C1orf21: variants seen among roughly 807,000 people sequenced by gnomAD.
C1orf21 encodes chromosome 1 open reading frame 21.
C1orf21 carries 3 observed loss-of-function variants against 18.7 expected under a neutral mutation model. The ratio of observed to expected loss-of-function variants is 0.16; its 90% CI spans 0.07 to 0.42. The LOEUF (loss-of-function observed/expected upper bound fraction) is 0.42, where lower values mean the gene tolerates loss of function less well. Ranked by LOEUF, C1orf21 falls within the 10% of genes least tolerant of loss-of-function variation. C1orf21 has a pLI of 0.99. For synonymous variants in C1orf21, 41 were observed against 46.4 expected (o/e 0.88, Z 0.47); for missense variants, 104 against 143.6 (o/e 0.72, Z 1.41).
intron 1 of C1orf21, among the ~76,000 whole-genome samples, chr1:184,457,737 G>A (rs927836846): frequency 2.0e-5 from 3 of 152,128 alleles, no homozygotes; most frequent in Non-Finnish European, 4.4e-5. Context: ...GCTATGGGCT[G>A]TAACATAAAT....
intron 2 of C1orf21, among the ~76,000 whole-genome samples, chr1:184,484,273 T>C (rs1332116456): frequency 6.6e-6 from 1 of 152,146 alleles, no homozygotes; most frequent in African/African-American, 2.4e-5. Context: ...CAAGGCAGCC[T>C]TGTGAACTTA....
Position 184,500,439 on chromosome 1 carries a change from T to C in C1orf21, c.95-7149T>C, listed in dbSNP as rs1263808224. On this transcript the variant is annotated intron_variant, in intron 2 of 5. Coordinates refer to ENST00000235307, the MANE Select transcript of C1orf21 (RefSeq NM_030806.4). ...AGAAGCTTTATCATTTTGATCCTTC[T>C]TATAGAACCTCTGAACCCTAAGGTC... Among the ~76,000 whole-genome samples the C allele has an allele frequency of 3.9e-5, 6 of 152,184 alleles. No homozygotes were observed. The East Asian group carries it at 1.2e-3, about 29-fold the overall frequency.
intron 2 of C1orf21, among the ~76,000 whole-genome samples, chr1:184,485,314 T>G (rs1657717488): frequency 1.3e-5 from 2 of 152,142 alleles, no homozygotes; most frequent in African/African-American, 4.8e-5. Context: ...TATTAATAAT[T>G]ATTGATTACA....
At chr1:184,488,496 A>G (rs548247793) in intron 2 of C1orf21, among the ~76,000 whole-genome samples, 2 of 152,342 alleles carry the variant, frequency 1.3e-5, no homozygotes, top group South Asian at 4.1e-4. Flanking sequence ...GGATAAATGC[A>G]TCCATAAGCA....
chr1:184,455,205 GT>G (rs1450913579), intron 1 of C1orf21, among the ~76,000 whole-genome samples: 53 of 152,320 alleles, frequency 3.5e-4, no homozygotes, highest in African/African-American at 1.3e-3. Flanking sequence ...TCAAAAACAA[GT>G]TCTCAAAGCC....
At chr1:184,588,442 A>T (rs1659388916) in intron 3 of C1orf21, among the ~76,000 whole-genome samples, 1 of 152,170 alleles carries the variant, frequency 6.6e-6, no homozygotes. Flanking sequence ...TCTTGACCCT[A>T]AAAAGTTTGA....
chr1:184,566,717 A>G (rs1659040252), intron 3 of C1orf21: 1 of 381,588 alleles, frequency 2.6e-6, no homozygotes, highest in Admixed American at 3.1e-5. Context: ...GTCAGAAGAA[A>G]CCAAGCCATC....
chr1:184,593,010 C>G (rs1262920451), intron 4 of C1orf21, among the ~76,000 whole-genome samples: 8 of 152,188 alleles, frequency 5.3e-5, no homozygotes, highest in Non-Finnish European at 1.2e-4. Context: ...TCACGTTCAT[C>G]CACTTTATCT....
chr1:184,493,045 G>T (rs1316599409), intron 2 of C1orf21, among the ~76,000 whole-genome samples: 1 of 152,164 alleles, frequency 6.6e-6, no homozygotes, highest in African/African-American at 2.4e-5. Context: ...AAAATTTACA[G>T]AAAGTCAGAT....
intron 1 of C1orf21, among the ~76,000 whole-genome samples, chr1:184,394,930 G>C (rs537983300): frequency 1.3e-5 from 2 of 152,172 alleles, no homozygotes; most frequent in African/African-American, 4.8e-5. Context: ...TGACAGTCTA[G>C]ATGCGACTCC....
chr1:184,572,778 C>G (rs1659130673), intron 3 of C1orf21, among the ~76,000 whole-genome samples: 1 of 151,972 alleles, frequency 6.6e-6, no homozygotes. Context: ...ATGGTGAAAC[C>G]CCATCTCTAC....
intron 1 of C1orf21, among the ~76,000 whole-genome samples, chr1:184,448,944 T>C (rs1228854774): frequency 6.6e-6 from 1 of 152,216 alleles, no homozygotes; most frequent in Non-Finnish European, 1.5e-5. Flanking sequence ...CTTCCAAATC[T>C]TCCTGCCTAA....
At chr1:184,438,948 C>T (rs1571357818) in intron 1 of C1orf21, among the ~76,000 whole-genome samples, 2 of 152,154 alleles carry the variant, frequency 1.3e-5, no homozygotes, top group African/African-American at 2.4e-5. Context: ...CAGTGGCTCA[C>T]GCCTGCAATC....
intron 3 of C1orf21, among the ~76,000 whole-genome samples, chr1:184,581,976 G>C (rs1659282614): frequency 6.6e-6 from 1 of 152,142 alleles, no homozygotes; most frequent in South Asian, 2.1e-4. Flanking sequence ...AATAATCTCT[G>C]TGGACAGGTA....
At chr1:184,598,349 C>A in intron 4 of C1orf21, 52 bp from the exon 5 acceptor site, 2 of 1,550,064 alleles carry the variant, frequency 1.3e-6, no homozygotes, top group Admixed American at 1.9e-5. Flanking sequence ...TTTGAGGGGA[C>A]CAGGTTTAGC....
intron 5 of C1orf21, chr1:184,599,598 A>T (rs545769614): frequency 6.6e-6 from 1 of 152,302 alleles, no homozygotes; most frequent in East Asian, 1.9e-4. Context: ...ATACTTGTTA[A>T]AGTATAATAA....
chr1:184,578,705 A>G (rs1377273023), intron 3 of C1orf21, among the ~76,000 whole-genome samples: 1 of 152,212 alleles, frequency 6.6e-6, no homozygotes, highest in African/African-American at 2.4e-5. Flanking sequence ...ACTACTAAGA[A>G]GAGGAGACCT....
chr1:184,612,578 T>C (rs1479149708), intron 5 of C1orf21, among the ~76,000 whole-genome samples: 1 of 151,940 alleles, frequency 6.6e-6, no homozygotes, highest in African/African-American at 2.4e-5. Flanking sequence ...ATACAAAAAT[T>C]AGCCAGGCGT....
chr1:184,571,434 T>TTA (rs1659111126), intron 3 of C1orf21, among the ~76,000 whole-genome samples: 1 of 152,236 alleles, frequency 6.6e-6, no homozygotes, highest in Non-Finnish European at 1.5e-5. Flanking sequence ...ACAACTGGCT[T>TTA]TACCTAGTAT....
Sources: gnomAD v4.1 joint callset for allele counts (sites outside exome capture counted in the v4.1 genomes callset) on GRCh38, gnomAD v4.1.1 for gene constraint, MANE v1.5 for transcripts, NCBI Gene and HGNC (gene_info 2026-07-23, HGNC 2026-07-21) for gene names.